ZNF521: variants seen among roughly 807,000 people sequenced by gnomAD.
ZNF521 encodes the protein LYST-interacting protein 3.
In ZNF521, 14 loss-of-function variants were observed where a neutral mutation model predicts 105.5. The observed-to-expected ratio is 0.13, with a 90% confidence interval of 0.09 to 0.21. The LOEUF is 0.21. ZNF521 is among the 10% of genes least tolerant of loss of function. The pLI, the probability that ZNF521 is intolerant of heterozygous loss-of-function variation, is 1.00. For missense variants in ZNF521, 1,233 were observed against 1,629.7 expected (o/e 0.76, Z 4.19); for synonymous variants, 635 against 606.0 (o/e 1.05, Z -0.70).
At chr18:25,211,146 T>C (rs2036171784) in intron 4 of ZNF521, among the ~76,000 whole-genome samples, 1 of 152,258 alleles carries the variant, frequency 6.6e-6, no homozygotes, top group South Asian at 2.1e-4. Context: ...AATATGTCTT[T>C]AATACCTCTA....
Position 25,310,419 on chromosome 18 carries a change from C to T in ZNF521, c.220+11589G>A, listed in dbSNP as rs560526295. Among the ~76,000 whole-genome samples the T allele has an allele frequency of 1.3e-4, 17 of 131,514 alleles. 1 individual carries two copies. In the South Asian group the frequency reaches 4.1e-3, roughly 32 times the overall value. 86.3% of individuals were successfully genotyped at this position (131,514 alleles called of 152,430 possible). A position where few individuals can be genotyped will look rare whatever the true frequency, so the allele number is the denominator to read the frequency against. On this transcript the variant is annotated intron_variant, in intron 3 of 7. Transcript: ENST00000361524. ...TAGAGTCTAAGAGTCAGATTTAAAA[C>T]AAAAAACAGAAAACAAAAAAAAAAA...
intron 5 of ZNF521, among the ~76,000 whole-genome samples, chr18:25,127,857 T>C (rs1239129685): frequency 6.6e-6 from 1 of 151,884 alleles, no homozygotes; most frequent in Non-Finnish European, 1.5e-5. Context: ...AGAAAATAAA[T>C]AATGGATAAT....
At chr18:25,183,721 T>G (rs2035672290) in intron 5 of ZNF521, among the ~76,000 whole-genome samples, 1 of 152,208 alleles carries the variant, frequency 6.6e-6, no homozygotes, top group South Asian at 2.1e-4. Context: ...TTCTTCAACT[T>G]AATGCTGGTG....
At chr18:25,258,690 C>T (rs1908688568) in intron 3 of ZNF521, among the ~76,000 whole-genome samples, 1 of 152,062 alleles carries the variant, frequency 6.6e-6, no homozygotes, top group African/African-American at 2.4e-5. Context: ...TCTTCTCTAT[C>T]ATGCTATGGA....
chr18:25,134,831 T>C (rs1450834852), intron 5 of ZNF521, among the ~76,000 whole-genome samples: 1 of 152,060 alleles, frequency 6.6e-6, no homozygotes, highest in Non-Finnish European at 1.5e-5. Flanking sequence ...TTTCTCCATC[T>C]TCCAGCTACC....
intron 7 of ZNF521, among the ~76,000 whole-genome samples, chr18:25,087,121 T>A (rs569158084): frequency 1.6e-4 from 24 of 152,316 alleles, no homozygotes; most frequent in Non-Finnish European, 4.4e-5. Context: ...TTTCTCAGTT[T>A]TGATTTTTAA....
At chr18:25,349,580 C>A (rs1430907569) in intron 2 of ZNF521, among the ~76,000 whole-genome samples, 1 of 152,126 alleles carries the variant, frequency 6.6e-6, no homozygotes, top group Non-Finnish European at 1.5e-5. Context: ...TCATCGAGTT[C>A]AAAAATGCAC....
intron 5 of ZNF521, among the ~76,000 whole-genome samples, chr18:25,104,987 C>G (rs1275501705): frequency 6.6e-6 from 1 of 151,974 alleles, no homozygotes; most frequent in Non-Finnish European, 1.5e-5. Context: ...TTAAATTTTG[C>G]CCTGGGCTAT....
chr18:25,146,767 C>T (rs1032241657), intron 5 of ZNF521, among the ~76,000 whole-genome samples: 14 of 151,804 alleles, frequency 9.2e-5, no homozygotes, highest in Admixed American at 6.6e-4. Flanking sequence ...CTTGATGACT[C>T]GGTGGTATAA....
At chr18:25,106,561 G>A (rs1021992460) in intron 5 of ZNF521, among the ~76,000 whole-genome samples, 2 of 152,068 alleles carry the variant, frequency 1.3e-5, no homozygotes, top group African/African-American at 4.8e-5. Context: ...TGGTGCGATT[G>A]TAAAGTTCTA....
intron 2 of ZNF521, among the ~76,000 whole-genome samples, chr18:25,337,296 G>A (rs1913946360): frequency 6.6e-6 from 1 of 152,094 alleles, no homozygotes; most frequent in Non-Finnish European, 1.5e-5. Context: ...GGAAAGCGCT[G>A]ACAATACCAA....
chr18:25,199,733 C>A (rs992806833), intron 4 of ZNF521, among the ~76,000 whole-genome samples: 1 of 152,000 alleles, frequency 6.6e-6, no homozygotes, highest in Non-Finnish European at 1.5e-5. Context: ...AGAAGCTCAA[C>A]CTAACCTGAT....
At chr18:25,351,032 C>G in intron 1 of ZNF521, 85 bp from the exon 2 acceptor site, 1 of 1,167,960 alleles carries the variant, frequency 8.6e-7, no homozygotes, top group Non-Finnish European at 1.1e-6. Flanking sequence ...CGGGCCGCGG[C>G]GCCTCGCGCC....
At chr18:25,278,274 GA>G (rs1173228211) in intron 3 of ZNF521, among the ~76,000 whole-genome samples, 1 of 152,118 alleles carries the variant, frequency 6.6e-6, no homozygotes, top group Non-Finnish European at 1.5e-5. Flanking sequence ...TTTCATCTGT[GA>G]TTTTTTGTGT....
At chr18:25,112,439 ACT>A (rs569172950) in intron 5 of ZNF521, among the ~76,000 whole-genome samples, 70 of 152,186 alleles carry the variant, frequency 4.6e-4, no homozygotes, top group Admixed American at 1.6e-3. Flanking sequence ...TTAAGTGCTG[ACT>A]CTGAGCTCAT....
intron 5 of ZNF521, among the ~76,000 whole-genome samples, chr18:25,132,154 C>A (rs905181305): frequency 6.6e-6 from 1 of 152,066 alleles, no homozygotes; most frequent in Non-Finnish European, 1.5e-5. Flanking sequence ...TGGTGTGAAA[C>A]GGGAGTACTG....
intron 3 of ZNF521, among the ~76,000 whole-genome samples, chr18:25,228,345 C>A (rs1460587152): frequency 6.6e-6 from 1 of 152,116 alleles, no homozygotes; most frequent in Non-Finnish European, 1.5e-5. Context: ...GAAAGATAAC[C>A]AGGATTTCTT....
chr18:25,103,083 G>T (rs964498826), intron 5 of ZNF521, among the ~76,000 whole-genome samples: 1 of 152,088 alleles, frequency 6.6e-6, no homozygotes, highest in African/African-American at 2.4e-5. Context: ...CTGTTGGAAG[G>T]CTGGAAAATT....
At chr18:25,249,040 C>T (rs1182699207) in intron 3 of ZNF521, among the ~76,000 whole-genome samples, 1 of 152,152 alleles carries the variant, frequency 6.6e-6, no homozygotes, top group African/African-American at 2.4e-5. Flanking sequence ...TGCTGACTTC[C>T]ATAATAAAAT....
Sources: gnomAD v4.1 joint callset for allele counts (sites outside exome capture counted in the v4.1 genomes callset) on GRCh38, gnomAD v4.1.1 for gene constraint, MANE v1.5 for transcripts, NCBI Gene and HGNC (gene_info 2026-07-23, HGNC 2026-07-21) for gene names.